The following ENPP4 variants were observed in gnomAD, a reference collection of about 807,000 sequenced individuals.
The protein encoded by ENPP4 is bis(5'-adenosyl)-triphosphatase ENPP4.
A neutral mutation model predicts 33.4 loss-of-function variants in ENPP4; 18 were observed. That is an observed-to-expected ratio of 0.54 (90% CI 0.37 to 0.80). The LOEUF (loss-of-function observed/expected upper bound fraction) is 0.80, where lower values mean the gene tolerates loss of function less well. Ranked by LOEUF, ENPP4 falls within the 30% of genes least tolerant of loss-of-function variation. The pLI, the probability that ENPP4 is intolerant of heterozygous loss-of-function variation, is 0.00. For synonymous variants in ENPP4, 172 were observed against 189.9 expected (o/e 0.91, Z 0.78); for missense variants, 480 against 541.7 (o/e 0.89, Z 1.13).
chr6:46,141,153 C>T lies in ENPP4; in HGVS notation c.928C>T (p.Arg310Ter). 3.1e-6 allele frequency: 5 copies of T among 1,608,838 alleles called. No individual in the cohort carries two copies. The highest frequency in any genetic ancestry group is 1.7e-4 in the Middle Eastern group (1 of 6,024). Residue 310 changes from arginine (R) to a stop codon, truncating the protein, a stop_gained, in exon 3 of 4, where the codon CGA becomes TGA. Transcript: ENST00000321037. LOFTEE classifies it high-confidence loss of function. ...CAGATTTTATTACCAACATAATGAT[C>T]GAATTCAGCCCATTATTTTGGTTGC... ...PNRFYYQHNDRIQPIILVADE... is the reference protein window; with the variant it reads ...PNRFYYQHND
chr6:46,133,087 C>T (rs1464137494), intron 1 of ENPP4, among the ~76,000 whole-genome samples: 1 of 152,046 alleles, frequency 6.6e-6, no homozygotes, highest in Non-Finnish European at 1.5e-5. Context: ...ACAATCATGT[C>T]GTCTGCAAAC....
intron 3 of ENPP4, among the ~76,000 whole-genome samples, chr6:46,141,726 A>AT (rs1764064017): frequency 6.6e-6 from 1 of 151,700 alleles, no homozygotes; most frequent in South Asian, 2.1e-4. Flanking sequence ...TCTCCTAAAA[A>AT]ATATATAGGG....
At chr6:46,132,423 A>G (rs1033496167) in intron 1 of ENPP4, among the ~76,000 whole-genome samples, 1 of 152,164 alleles carries the variant, frequency 6.6e-6, no homozygotes, top group Non-Finnish European at 1.5e-5. Context: ...TACTTTCCCC[A>G]TTGCTTGTTT....
At chr6:46,133,273 C>T (rs1763929178) in intron 1 of ENPP4, among the ~76,000 whole-genome samples, 1 of 152,078 alleles carries the variant, frequency 6.6e-6, no homozygotes, top group African/African-American at 2.4e-5. Context: ...AATTTAGAAT[C>T]CTACGATTTT....
At chr6:46,131,582 A>C (rs1371521941) in intron 1 of ENPP4, among the ~76,000 whole-genome samples, 4 of 152,112 alleles carry the variant, frequency 2.6e-5, no homozygotes, top group African/African-American at 9.7e-5. Context: ...CTTGGTTCCA[A>C]GTCTTTGCTA....
chr6:46,136,966 T>C (rs943831191), intron 1 of ENPP4, among the ~76,000 whole-genome samples: 3 of 152,068 alleles, frequency 2.0e-5, no homozygotes, highest in Middle Eastern at 3.4e-3. Flanking sequence ...ACAAGCTCCC[T>C]TCAGTGATTC....
In ENPP4 at chr6:46,140,053, C is replaced by T. The variant is rs775233610; in HGVS notation, c.470C>T (p.Ser157Leu). Residue 157 changes from serine (S) to leucine (L), a missense_variant, in exon 2 of 4, where the codon TCA becomes TTA. By Grantham distance (145) the Ser-to-Leu change is moderately radical. This residue lies in a region of ENPP4 where 227 missense variants were observed against 273.7 expected (regional missense o/e 0.83). Coordinates refer to ENST00000321037, the MANE Select transcript of ENPP4 (RefSeq NM_014936.5). ...ISSYFMNYNS[S>L]VSFEERLNNI... ...TCCTATTTTATGAATTACAACTCCT[C>T]AGTGTCATTTGAGGAAAGACTAAAT... 3 of 1,612,598 alleles carry T rather than the reference C, an allele frequency of 1.9e-6. No individual in the cohort carries two copies. Among genetic ancestry groups the T allele is most frequent in the Non-Finnish European group, 1.7e-6 (2 of 1,178,984 alleles).
At chr6:46,132,789 T>G (rs1450286689) in intron 1 of ENPP4, among the ~76,000 whole-genome samples, 1 of 152,188 alleles carries the variant, frequency 6.6e-6, no homozygotes, top group East Asian at 1.9e-4. Flanking sequence ...CCCATGAGCA[T>G]GGAATGTTCT....
intron 1 of ENPP4, among the ~76,000 whole-genome samples, chr6:46,136,642 CT>C (rs1361654296): frequency 6.6e-6 from 1 of 151,746 alleles, no homozygotes; most frequent in African/African-American, 2.4e-5. Context: ...GGCATTTGGG[CT>C]TTTTGTATAG....
chr6:46,142,352 A>ATATATATAATATATATATATATTATATAT (rs1764075248), intron 3 of ENPP4, among the ~76,000 whole-genome samples: 1 of 81,896 alleles, frequency 1.2e-5, no homozygotes, highest in Non-Finnish European at 3.0e-5. Flanking sequence ...ATTATATGTA[A>ATATATATAATATATATATATATTATATAT]TATATATAAT....
At chr6:46,131,380 A>T (rs1026036968) in intron 1 of ENPP4, among the ~76,000 whole-genome samples, 2 of 150,110 alleles carry the variant, frequency 1.3e-5, no homozygotes, top group African/African-American at 2.5e-5. Flanking sequence ...TCATTGTTCA[A>T]TTCCCACCTA....
At chr6:46,132,696 T>C (rs557575157) in intron 1 of ENPP4, among the ~76,000 whole-genome samples, 4 of 152,166 alleles carry the variant, frequency 2.6e-5, no homozygotes, top group Non-Finnish European at 4.4e-5. Flanking sequence ...GTGAAGAAAG[T>C]CATTGGTAGC....
rs1764040498 is a variant in ENPP4 at position 46,140,385 on chromosome 6, G to T, written c.802G>T (p.Val268Phe). Residue 268 changes from valine to phenylalanine, a missense_variant, in exon 2 of 4, where the codon GTT becomes TTT. Transcript: ENST00000321037. ...CTACACTCTTATAGATTTGAGCCCA[G>T]TTGCTGCAATACTTCCCAAAATAAG... ...SYYTLIDLSP[V>F]AAILPKINRT... 3.2e-6 allele frequency: 5 copies of T among 1,583,514 alleles called. No homozygotes were observed. The highest frequency in any genetic ancestry group is 1.4e-5 in the African/African-American group (1 of 73,446).
chr6:46,142,349 G>GTTATATA (rs1275657237), intron 3 of ENPP4, among the ~76,000 whole-genome samples: 5 of 43,132 alleles, frequency 1.2e-4, no homozygotes, highest in Non-Finnish European at 2.8e-4. Flanking sequence ...ATAATTATAT[G>GTTATATA]TAATATATAT....
rs772285988 is a variant in ENPP4 at position 46,143,505 on chromosome 6, G to GAACC, written c.1228_1229insACCA (p.Ile410AsnfsTer23). 1 of 1,612,842 alleles carries GAACC rather than the reference G, an allele frequency of 6.2e-7. No individual in the cohort carries two copies. The highest frequency in any genetic ancestry group is 1.1e-5 in the South Asian group (1 of 91,050). On this transcript the variant is annotated frameshift_variant, in exon 4 of 4. Coordinates refer to ENST00000321037, the MANE Select transcript of ENPP4 (RefSeq NM_014936.5). LOFTEE classifies it high-confidence loss of function. ...GCATTAATCTCCCAGAAGCCATCGCGATTGTTATCGGTTCACTCTTGGTGT... is the reference window on the plus strand; with the variant it reads ...GCATTAATCTCCCAGAAGCCATCGCGAACCATTGTTATCGGTTCACTCTTGGTGT...
At position 46,131,775 on chromosome 6, in the gene ENPP4, C is replaced by A. The variant is rs1202615721; in HGVS notation, c.-34+1586C>A. Among the ~76,000 whole-genome samples, 6 of 146,046 alleles carry A rather than the reference C, an allele frequency of 4.1e-5. No individual in the cohort carries two copies. The South Asian group carries it at 1.3e-3, about 32-fold the overall frequency. On this transcript the variant is annotated intron_variant, in intron 1 of 3. Coordinates refer to ENST00000321037, the MANE Select transcript of ENPP4 (RefSeq NM_014936.5). ...TTGAACTAGTTTACAGTCCCACCAA[C>A]AGTGTAAAAGTGTTCCTATTTCTCC...
At chr6:46,142,453 A>G (rs150023444) in intron 3 of ENPP4, among the ~76,000 whole-genome samples, 174 of 127,306 alleles carry the variant, frequency 1.4e-3, no homozygotes, top group Non-Finnish European at 2.3e-3. Context: ...AATATATTAT[A>G]TATTATATAT....
rs1278181966 is a variant in ENPP4 at position 46,143,647 on chromosome 6, C to T, written c.*7C>T. 2 of 1,599,828 alleles carry T rather than the reference C, an allele frequency of 1.3e-6. No homozygotes were observed. Among genetic ancestry groups the T allele is most frequent in the Non-Finnish European group, 1.7e-6 (2 of 1,171,742 alleles). The stretch of plus-strand genomic sequence containing the variant: ...TGATCCTTTAATTGGGTGACATGTG[C>T]TAGGGCTTATACAAAGTGTCTTTGA... On this transcript the variant is annotated 3_prime_UTR_variant, in exon 4 of 4. Coordinates refer to ENST00000321037, the MANE Select transcript of ENPP4 (RefSeq NM_014936.5).
rs1293879002 is a variant in ENPP4, at chr6:46,140,278, T to G, written c.695T>G (p.Val232Gly). 1.2e-6 allele frequency: 2 copies of G among 1,612,354 alleles called. No individual in the cohort carries two copies. The highest frequency in any genetic ancestry group is 1.7e-6 in the Non-Finnish European group (2 of 1,178,908). The change falls in exon 2 of 4, where the codon GTG becomes GGG. Residue 232 changes from valine to glycine, a missense_variant. Transcript: ENST00000321037. Reference sequence around the variant, plus strand: ...TTAGGGCTATGGGAAAATCTTAATGTGATCATTACAAGTGATCATGGGATG... The same window carrying G: ...TTAGGGCTATGGGAAAATCTTAATGGGATCATTACAAGTGATCATGGGATG... ...KMLGLWENLN[V>G]IITSDHGMTQ...
Sources: allele counts gnomAD v4.1 joint callset (sites outside exome capture counted in the v4.1 genomes callset), GRCh38; gene constraint gnomAD v4.1.1; regional missense constraint gnomAD v4.1.1; transcripts MANE v1.5; gene names NCBI Gene and HGNC (gene_info 2026-07-23, HGNC 2026-07-21).